GLIS1: variants seen among roughly 807,000 people sequenced by gnomAD.
GLIS1 encodes GLIS family zinc finger 1.
In GLIS1, 24 loss-of-function variants were observed where a neutral mutation model predicts 63.8. That is an observed-to-expected ratio of 0.38 (90% CI 0.27 to 0.53). The LOEUF (loss-of-function observed/expected upper bound fraction) is 0.53, where lower values mean the gene tolerates loss of function less well. GLIS1 is among the 20% of genes least tolerant of loss of function. The probability of loss-of-function intolerance (pLI) is 0.85; values close to 1 mark genes in which losing one functional copy is unlikely to be tolerated. For missense variants in GLIS1, 1,036 were observed against 1,074.1 expected (o/e 0.96, Z 0.50); for synonymous variants, 450 against 482.5 (o/e 0.93, Z 0.88).
chr1:53,665,655 T>C (rs965906798), intron 2 of GLIS1, among the ~76,000 whole-genome samples: 2 of 152,076 alleles, frequency 1.3e-5, no homozygotes, highest in Non-Finnish European at 2.9e-5. Context: ...TCTCTTTAAA[T>C]AAAGAGCTTG....
At position 53,509,937 on chromosome 1, in the gene GLIS1, C is replaced by G. The variant is rs769152082; in HGVS notation, c.1974G>C (p.Pro658=). Residue 658 remains proline (P), a synonymous_variant, in exon 9 of 11, where the codon CCG becomes CCC. Coordinates refer to ENST00000628545, the MANE Select transcript of GLIS1 (RefSeq NM_001367484.1). Reference sequence around the variant, plus strand: ...GGAGTGTGGGGAAGGGCTGGCCCCCCGGAGAATGGCTCTGAGAGGATGGGG... The same window carrying G: ...GGAGTGTGGGGAAGGGCTGGCCCCCGGGAGAATGGCTCTGAGAGGATGGGG... ...PLPPSSQSHS[P]GGQPFPTLPS... The G allele has an allele frequency of 4.6e-6, 6 of 1,304,022 alleles. No individual in the cohort carries two copies. The highest frequency in any genetic ancestry group is 5.9e-6 in the Non-Finnish European group (6 of 1,017,744). The allele number at this position is 1,304,022 out of a possible 1,614,324, so 80.8% of individuals were successfully genotyped here.
chr1:53,732,810 A>T (rs1646876609), intron 2 of GLIS1, among the ~76,000 whole-genome samples: 1 of 152,184 alleles, frequency 6.6e-6, no homozygotes, highest in African/African-American at 2.4e-5. Context: ...ATTAAAAAAA[A>T]AAAAATAACA....
At chr1:53,606,986 G>A (rs1195766434) in intron 2 of GLIS1, among the ~76,000 whole-genome samples, 1 of 152,244 alleles carries the variant, frequency 6.6e-6, no homozygotes, top group African/African-American at 2.4e-5. Context: ...AGAGTGAGCA[G>A]CCCAGGGCGG....
intron 2 of GLIS1, chr1:53,734,067 T>A: frequency 1.0e-6 from 1 of 985,288 alleles, no homozygotes; most frequent in Non-Finnish European, 1.2e-6. Flanking sequence ...ATTCCTTTTT[T>A]TTTTTTTTCA....
At chr1:53,683,094 G>A (rs1302308950) in intron 2 of GLIS1, among the ~76,000 whole-genome samples, 1 of 152,218 alleles carries the variant, frequency 6.6e-6, no homozygotes, top group East Asian at 1.9e-4. Flanking sequence ...GAGGCAGAAG[G>A]TGGCACCGTG....
At position 53,509,530 on chromosome 1, in the gene GLIS1, G is replaced by A. The variant is rs999172481; in HGVS notation, c.2063-243C>T. On this transcript the variant is annotated intron_variant, in intron 9 of 10. Transcript: ENST00000628545. The stretch of plus-strand genomic sequence containing the variant: ...GAGATGGTCTCACGTGGCTGCTCCT[G>A]AGTCACCCGTGGCTGATGCCTACTC... 5.3e-5 allele frequency among the ~76,000 whole-genome samples: 8 copies of A among 152,124 alleles called. No homozygotes were observed. In the South Asian group the frequency reaches 1.7e-3, roughly 32 times the overall value.
At chr1:53,553,631 G>A (rs1644785450) in intron 4 of GLIS1, among the ~76,000 whole-genome samples, 1 of 152,212 alleles carries the variant, frequency 6.6e-6, no homozygotes, top group Non-Finnish European at 1.5e-5. Context: ...CTTGTGGTAT[G>A]GCAGGGAGTA....
intron 2 of GLIS1, among the ~76,000 whole-genome samples, chr1:53,703,119 G>T (rs1345370039): frequency 6.6e-6 from 1 of 152,168 alleles, no homozygotes; most frequent in African/African-American, 2.4e-5. Flanking sequence ...TCCTTCCCTG[G>T]CAGGGCTCTG....
chr1:53,585,205 C>T (rs960020092), intron 4 of GLIS1, among the ~76,000 whole-genome samples: 1 of 151,980 alleles, frequency 6.6e-6, no homozygotes, highest in Non-Finnish European at 1.5e-5. Flanking sequence ...TTGGGACTAA[C>T]GACTTCAAAA....
intron 2 of GLIS1, among the ~76,000 whole-genome samples, chr1:53,690,295 C>G (rs1646388301): frequency 6.6e-6 from 1 of 152,260 alleles, no homozygotes; most frequent in African/African-American, 2.4e-5. Context: ...CCAGGCTCCG[C>G]TGCCCCCATC....
chr1:53,535,734 C>T (rs1644575127), intron 4 of GLIS1, among the ~76,000 whole-genome samples: 1 of 152,064 alleles, frequency 6.6e-6, no homozygotes, highest in Non-Finnish European at 1.5e-5. Flanking sequence ...CAGGTGCCAT[C>T]CTGCCTCCCT....
At chr1:53,654,815 G>A (rs77800002) in intron 2 of GLIS1, among the ~76,000 whole-genome samples, 2,716 of 152,190 alleles carry the variant, frequency 0.018, 65 homozygotes, top group African/African-American at 0.06. Flanking sequence ...CCAGGGCTCC[G>A]AGAAAAATGG....
At chr1:53,689,298 C>G (rs1300376885) in intron 2 of GLIS1, among the ~76,000 whole-genome samples, 1 of 152,222 alleles carries the variant, frequency 6.6e-6, no homozygotes, top group Non-Finnish European at 1.5e-5. Flanking sequence ...AAGGAGGCCT[C>G]AGAGGCTTCA....
At chr1:53,507,515 C>A (rs866694872) in intron 10 of GLIS1, among the ~76,000 whole-genome samples, 1 of 152,206 alleles carries the variant, frequency 6.6e-6, no homozygotes, top group East Asian at 1.9e-4. Flanking sequence ...AGCCCCTGCC[C>A]GAAAGGCCTG....
At chr1:53,620,123 G>A (rs966793473) in intron 2 of GLIS1, among the ~76,000 whole-genome samples, 1 of 152,258 alleles carries the variant, frequency 6.6e-6, no homozygotes. Context: ...AGGACACTGA[G>A]TTTGGGCAGT....
At chr1:53,608,034 A>C (rs2100566298) in intron 2 of GLIS1, among the ~76,000 whole-genome samples, 1 of 147,726 alleles carries the variant, frequency 6.8e-6, no homozygotes, top group African/African-American at 2.5e-5. Context: ...CGATCATAGC[A>C]CACTGCAGCC....
chr1:53,672,087 A>G (rs1008216920), intron 2 of GLIS1, among the ~76,000 whole-genome samples: 7 of 152,192 alleles, frequency 4.6e-5, no homozygotes, highest in Admixed American at 1.3e-4. Context: ...GCCAAGGCCA[A>G]CTGAGTCAAG....
intron 6 of GLIS1, among the ~76,000 whole-genome samples, chr1:53,521,477 A>C (rs1034670860): frequency 6.6e-6 from 1 of 152,130 alleles, no homozygotes; most frequent in African/African-American, 2.4e-5. Context: ...GACAAATAAC[A>C]TAACCTCTCT....
chr1:53,705,697 G>A (rs1276075794), intron 2 of GLIS1, among the ~76,000 whole-genome samples: 1 of 152,184 alleles, frequency 6.6e-6, no homozygotes, highest in African/African-American at 2.4e-5. Flanking sequence ...GACTCCTTCT[G>A]AGACAACAGG....
Sources: gnomAD v4.1 joint callset for allele counts (sites outside exome capture counted in the v4.1 genomes callset) on GRCh38, gnomAD v4.1.1 for gene constraint, MANE v1.5 for transcripts, NCBI Gene and HGNC (gene_info 2026-07-23, HGNC 2026-07-21) for gene names.